The following KATNAL2 variants were observed in gnomAD, a reference collection of about 807,000 sequenced individuals.
KATNAL2 encodes katanin p60 ATPase-containing subunit A-like 2.
Under a neutral mutation model 76.3 loss-of-function variants are expected in KATNAL2, and 52 were observed. That is an observed-to-expected ratio of 0.68 (90% CI 0.55 to 0.86). KATNAL2 has a LOEUF of 0.86. Ranked by LOEUF, KATNAL2 falls within the 40% of genes least tolerant of loss-of-function variation. The pLI, the probability that KATNAL2 is intolerant of heterozygous loss-of-function variation, is 0.00. For synonymous variants in KATNAL2, 243 were observed against 244.2 expected (o/e 1.00, Z 0.05); for missense variants, 660 against 668.9 (o/e 0.99, Z 0.15).
At chr18:46,947,617 A>C (rs2059421140) in intron 3 of KATNAL2, among the ~76,000 whole-genome samples, 1 of 152,188 alleles carries the variant, frequency 6.6e-6, no homozygotes, top group Non-Finnish European at 1.5e-5. Flanking sequence ...AAGTTAAAAA[A>C]TACTTCTACC....
rs925711592 is a variant in KATNAL2, at chr18:47,033,127, C to T, written c.52-13330C>T. ...CGCGTGCTCATTGCTGCTGCTCAGG[C>T]AGGGGTTGGCCCGCTTCTCAGGGAG... On this transcript the variant is annotated intron_variant, in intron 3 of 17. Transcript: ENST00000683218. The T allele has an allele frequency of 4.3e-6, 7 of 1,613,982 alleles. No individual in the cohort carries two copies. The highest frequency in any genetic ancestry group is 4.5e-5 in the East Asian group (2 of 44,890).
At chr18:47,053,976 G>A (rs2571000) in intron 5 of KATNAL2, among the ~76,000 whole-genome samples, 92,475 of 152,050 alleles carry the variant, frequency 0.61, 28,544 homozygotes, top group African/African-American at 0.71. Flanking sequence ...TATTGGACAC[G>A]TTATTTTTAT....
At chr18:46,933,574 TAAAC>T (rs994085962) in intron 1 of KATNAL2, among the ~76,000 whole-genome samples, 21 of 152,182 alleles carry the variant, frequency 1.4e-4, no homozygotes, top group African/African-American at 4.6e-4. Flanking sequence ...GCACCAGGCA[TAAAC>T]AAACAAAAAT....
At chr18:46,953,735 C>T (rs1038642761) in intron 3 of KATNAL2, among the ~76,000 whole-genome samples, 2 of 149,928 alleles carry the variant, frequency 1.3e-5, no homozygotes, top group Admixed American at 6.7e-5. Context: ...CCAACCTAGG[C>T]GACACATGGA....
At chr18:46,918,455 G>A (rs1343026420) in intron 1 of KATNAL2, among the ~76,000 whole-genome samples, 2 of 151,972 alleles carry the variant, frequency 1.3e-5, no homozygotes, top group Non-Finnish European at 2.9e-5. Flanking sequence ...CCCGCACCCC[G>A]CAAGTTTTGT....
chr18:47,032,390 G>A (rs1666876531), intron 3 of KATNAL2, among the ~76,000 whole-genome samples: 1 of 152,156 alleles, frequency 6.6e-6, no homozygotes, highest in Non-Finnish European at 1.5e-5. Context: ...GGGACCACAT[G>A]GACCGTGCCA....
At chr18:47,100,196 C>A in intron 16 of KATNAL2, 58 bp from the exon 17 acceptor site, 1 of 1,229,910 alleles carries the variant, frequency 8.1e-7, no homozygotes. Context: ...CCTATAACAA[C>A]GTAATGGCCA....
chr18:47,080,835 G>A (rs1221813821), intron 15 of KATNAL2, among the ~76,000 whole-genome samples: 1 of 151,888 alleles, frequency 6.6e-6, no homozygotes, highest in East Asian at 1.9e-4. Context: ...TATCTTCTTG[G>A]GAGAAATGTC....
At chr18:46,935,224 T>C (rs2059053103) in intron 1 of KATNAL2, among the ~76,000 whole-genome samples, 5 of 152,074 alleles carry the variant, frequency 3.3e-5, no homozygotes, top group Admixed American at 2.6e-4. Flanking sequence ...TTTAATAGCA[T>C]ATTGCACACA....
At chr18:47,050,135 C>T (rs761276451) in intron 4 of KATNAL2, among the ~76,000 whole-genome samples, 1 of 152,088 alleles carries the variant, frequency 6.6e-6, no homozygotes, top group Non-Finnish European at 1.5e-5. Flanking sequence ...ACCTTGGCTT[C>T]CAGAGTGCTG....
At chr18:47,070,573 G>T (rs1381263970) in intron 13 of KATNAL2, among the ~76,000 whole-genome samples, 1 of 152,018 alleles carries the variant, frequency 6.6e-6, no homozygotes, top group African/African-American at 2.4e-5. Flanking sequence ...AAACTATCAC[G>T]CTCTGTAGAA....
chr18:47,071,148 C>T (rs1039391595), intron 13 of KATNAL2, among the ~76,000 whole-genome samples: 1 of 152,126 alleles, frequency 6.6e-6, no homozygotes, highest in African/African-American at 2.4e-5. Context: ...TATAGATGCA[C>T]ACCACCAAGC....
At position 46,946,551 on chromosome 18, in the gene KATNAL2, ATGGCCC is replaced by A; in HGVS notation, c.-20+9_-20+14del. On this transcript the variant is annotated splice_donor_region_variant and intron_variant, in intron 2 of 17. Transcript: ENST00000683218. ...AAATCAAGGACAAATATTATGGTAC[ATGGCCC>A]TGGGTCAGCTTGTATTTTAGAAACG... 2.0e-6 allele frequency: 2 copies of A among 985,490 alleles called. No individual in the cohort carries two copies. Among genetic ancestry groups the A allele is most frequent in the Non-Finnish European group, 2.4e-6 (2 of 829,930 alleles). 61.0% of individuals were successfully genotyped at this position (985,490 alleles called of 1,614,324 possible). A position where few individuals can be genotyped will look rare whatever the true frequency, so the allele number is the denominator to read the frequency against.
At chr18:47,031,223 T>A (rs1971040108) in intron 3 of KATNAL2, among the ~76,000 whole-genome samples, 1 of 150,960 alleles carries the variant, frequency 6.6e-6, no homozygotes, top group African/African-American at 2.4e-5. Flanking sequence ...TAAAATCTCC[T>A]CGGAAAGGCT....
At chr18:46,931,433 C>G (rs1458553019) in intron 1 of KATNAL2, among the ~76,000 whole-genome samples, 2 of 152,012 alleles carry the variant, frequency 1.3e-5, no homozygotes, top group Admixed American at 6.6e-5. Context: ...GGGTGGATCA[C>G]CTGAGGTCAG....
At chr18:46,946,998 C>G (rs1469002776) in intron 3 of KATNAL2, 75 bp downstream of exon 3, 1 of 1,048,666 alleles carries the variant, frequency 9.5e-7, no homozygotes, top group Non-Finnish European at 1.4e-6. Flanking sequence ...GATTCCGAGT[C>G]TCCGGTTGCT....
rs1376242704 is a variant in KATNAL2, at chr18:47,079,444, G to A, written c.1211+1983G>A. ...GATCCTTGCTCTGTCATCCAGGCTG[G>A]AGTGCAATGGCACGATCTCGGCTCA... On this transcript the variant is annotated intron_variant, in intron 15 of 17. Coordinates refer to ENST00000683218, the MANE Select transcript of KATNAL2 (RefSeq NM_001387690.1). 4.6e-5 allele frequency among the ~76,000 whole-genome samples: 7 copies of A among 151,444 alleles called. No individual in the cohort carries two copies. In the East Asian group the frequency reaches 1.4e-3, roughly 30 times the overall value.
Position 47,034,698 on chromosome 18 carries a change from G to T in KATNAL2, c.52-11759G>T, listed in dbSNP as rs139088020. 3.5e-4 allele frequency: 562 copies of T among 1,612,934 alleles called. 5 individuals carry two copies. In the African/African-American group the frequency reaches 6.5e-3, roughly 19 times the overall value. ...TGTGGCCTCTTCCGGGTTGCTTCCC[G>T]GGCGCAGCGGGCTCAGGGCCCTCGG... is the stretch of plus-strand genomic sequence containing the variant. On this transcript the variant is annotated intron_variant, in intron 3 of 17. Transcript: ENST00000683218.
chr18:47,041,329 G>A (rs551604707), intron 3 of KATNAL2, among the ~76,000 whole-genome samples: 1 of 152,242 alleles, frequency 6.6e-6, no homozygotes, highest in East Asian at 1.9e-4. Flanking sequence ...TGGTTTCGCT[G>A]CCCTAGAAAT....
Sources: allele counts gnomAD v4.1 joint callset (sites outside exome capture counted in the v4.1 genomes callset), GRCh38; gene constraint gnomAD v4.1.1; transcripts MANE v1.5; gene names NCBI Gene and HGNC (gene_info 2026-07-23, HGNC 2026-07-21).